Variants in TAB3 observed in about 807,000 individuals in gnomAD.
TAB3 encodes the protein TGF-beta activated kinase 1 (MAP3K7) binding protein 3.
Under a neutral mutation model 48.1 loss-of-function variants are expected in TAB3, and 18 were observed. The ratio of observed to expected loss-of-function variants is 0.37; its 90% CI spans 0.26 to 0.55. The LOEUF is 0.55. Among genes scored for constraint, TAB3 ranks in the 20% least tolerant of loss-of-function variants. The probability of loss-of-function intolerance (pLI) is 0.78; values close to 1 mark genes in which losing one functional copy is unlikely to be tolerated. For missense variants in TAB3, 414 were observed against 549.8 expected (o/e 0.75, Z 2.47); for synonymous variants, 185 against 190.2 (o/e 0.97, Z 0.22).
chrX:30,858,188 G>C (rs1601821926), intron 5 of TAB3, among the ~76,000 whole-genome samples: 1 of 112,031 alleles, frequency 8.9e-6, no homozygotes, highest in Non-Finnish European at 1.9e-5. Context: ...TTAGTTAAAT[G>C]GTAATGAAAA....
chrX:30,832,293 T>C (rs1234831106), intron 10 of TAB3, among the ~76,000 whole-genome samples: 1 of 112,076 alleles, frequency 8.9e-6, no homozygotes, highest in Non-Finnish European at 1.9e-5. Flanking sequence ...GAAAAAGATA[T>C]CCAAACTTAC....
At position 30,854,814 on chromosome X, in the gene TAB3, T is replaced by C. The variant is rs755858238; in HGVS notation, c.851A>G (p.Gln284Arg). Residue 284 changes from glutamine (Q) to arginine (R), a missense_variant, in exon 6 of 11, where the codon CAG becomes CGG. Gln to Arg is a conservative substitution (Grantham distance 43, BLOSUM62 1). Transcript: ENST00000288422. ...NYQPSQYSPK[Q>R]QQIPQSAYHS... is the part of the protein sequence containing the mutation. Reference sequence around the variant, plus strand: ...GTAAGCAGACTGAGGGATCTGCTGCTGTTTGGGAGAATACTGAGAAGGCTG... The same window carrying C: ...GTAAGCAGACTGAGGGATCTGCTGCCGTTTGGGAGAATACTGAGAAGGCTG... 2.5e-6 allele frequency: 3 copies of C among 1,211,412 alleles called. No homozygotes were observed. The South Asian group carries it at 5.3e-5, about 21-fold the overall frequency.
chrX:30,852,126 C>T (rs1309253474), intron 7 of TAB3, among the ~76,000 whole-genome samples: 1 of 112,407 alleles, frequency 8.9e-6, no homozygotes, highest in Admixed American at 9.4e-5. Context: ...TGTGAAGTCA[C>T]AAGATTTTAA....
In TAB3 at chrX:30,831,318, G is replaced by A. The variant is rs772315477; in HGVS notation, c.*109C>T. ...CACAAAGCCATTCCTCCTCCCCGCT[G>A]TGCAATCGAAAATGAAAAGGCTGGG... is the stretch of plus-strand genomic sequence containing the variant. On this transcript the variant is annotated 3_prime_UTR_variant, in exon 11 of 11. Transcript: ENST00000288422. 1.3e-5 allele frequency: 12 copies of A among 920,684 alleles called. No homozygotes were observed. The East Asian group carries it at 2.4e-4, about 19-fold the overall frequency. 75.9% of individuals were successfully genotyped at this position (920,684 alleles called of 1,213,427 possible). A position where few individuals can be genotyped will look rare whatever the true frequency, so the allele number is the denominator to read the frequency against.
At chrX:30,835,285 A>C (rs892353211) in intron 9 of TAB3, 2 of 123,701 alleles carry the variant, frequency 1.6e-5, no homozygotes, top group African/African-American at 6.5e-5. Flanking sequence ...AATCCAAAGC[A>C]TGGTGCTCAG....
At chrX:30,839,469 C>T (rs1055747687) in intron 9 of TAB3, among the ~76,000 whole-genome samples, 153 of 111,144 alleles carry the variant, frequency 1.4e-3, no homozygotes, top group African/African-American at 4.5e-3. Flanking sequence ...ATTTTGTTTT[C>T]TTTTTGTGAG....
intron 6 of TAB3, 136 bp downstream of exon 6, chrX:30,853,980 C>T (rs1441587438): frequency 3.4e-5 from 28 of 813,954 alleles, no homozygotes; most frequent in Admixed American, 1.3e-4. Context: ...CGGCCACTAA[C>T]TTTATTCTTA....
At chrX:30,862,895 GGT>G (rs1404380808) in intron 4 of TAB3, among the ~76,000 whole-genome samples, 1 of 111,860 alleles carries the variant, frequency 8.9e-6, no homozygotes, top group African/African-American at 3.3e-5. Flanking sequence ...GGGAGCTAAA[GGT>G]GTGTGGTGAG....
chrX:30,869,642 G>C (rs1462106206), intron 2 of TAB3, among the ~76,000 whole-genome samples: 1 of 112,046 alleles, frequency 8.9e-6, no homozygotes, highest in African/African-American at 3.2e-5. Context: ...ATTTGCTCTG[G>C]TCAAGGTGTT....
At position 30,837,551 on chromosome X, in the gene TAB3, A is replaced by C. The variant is rs1243297085; in HGVS notation, c.1889-3399T>G. On this transcript the variant is annotated intron_variant, in intron 9 of 10. Coordinates refer to ENST00000288422, the MANE Select transcript of TAB3 (RefSeq NM_152787.5). The stretch of plus-strand genomic sequence containing the variant: ...TTTTTTATTGAGTTGTCTTTTTATT[A>C]CTGTGTTGTAGAAATTCTTTATATA... Among the ~76,000 whole-genome samples the C allele has an allele frequency of 2.7e-4, 30 of 111,155 alleles. No homozygotes were observed. The Admixed American group carries it at 2.8e-3, about 10-fold the overall frequency.
intron 4 of TAB3, 159 bp from the exon 5 acceptor site, chrX:30,859,837 G>C: frequency 2.7e-6 from 1 of 368,130 alleles, no homozygotes; most frequent in Non-Finnish European, 4.6e-6. Context: ...CCTCCACAAT[G>C]CTGCCAAAGC....
chrX:30,848,937 A>ATAAC (rs1938732491), intron 7 of TAB3, among the ~76,000 whole-genome samples: 1 of 109,480 alleles, frequency 9.1e-6, no homozygotes, highest in African/African-American at 3.3e-5. Flanking sequence ...ATGGGGGGGA[A>ATAAC]TAACTTGAGG....
chrX:30,831,661 C>T (rs1280062721), intron 10 of TAB3, 86 bp from the exon 11 acceptor site: 10 of 1,019,254 alleles, frequency 9.8e-6, no homozygotes, highest in Non-Finnish European at 1.3e-5. Context: ...AAGAAAAATA[C>T]CACAAAAATC....
intron 1 of TAB3, among the ~76,000 whole-genome samples, chrX:30,883,881 G>T (rs988665242): frequency 2.7e-5 from 3 of 111,193 alleles, no homozygotes; most frequent in African/African-American, 9.8e-5. Context: ...TCTTACCAAT[G>T]GATCATTTAG....
chrX:30,844,895 C>T (rs1938572103), intron 8 of TAB3: 3 of 112,822 alleles, frequency 2.7e-5, no homozygotes, highest in South Asian at 3.6e-4. Flanking sequence ...GATCACGGCT[C>T]ACTGCAGCCT....
In TAB3 at chrX:30,842,965, C is replaced by T; in HGVS notation, c.1888+1G>A. On this transcript the variant is annotated splice_donor_variant, in intron 9 of 10. Coordinates refer to ENST00000288422, the MANE Select transcript of TAB3 (RefSeq NM_152787.5). LOFTEE classifies it high-confidence loss of function. ...GTATTTGTGACATTTTTCATACTCA[C>T]CTTTTTTAGATGGCTTGGGTGGTAC... 1 of 1,125,248 alleles carries T rather than the reference C, an allele frequency of 8.9e-7. No individual in the cohort carries two copies. The highest frequency in any genetic ancestry group is 3.1e-5 in the East Asian group (1 of 32,047). The allele number at this position is 1,125,248 out of a possible 1,213,427, so 92.7% of individuals were successfully genotyped here.
intron 1 of TAB3, among the ~76,000 whole-genome samples, chrX:30,880,436 T>C (rs1939966638): frequency 8.9e-6 from 1 of 111,853 alleles, no homozygotes; most frequent in African/African-American, 3.3e-5. Context: ...GAAAATTAGC[T>C]ATCCATATAG....
chrX:30,888,347 A>C (rs1940189514), intron 1 of TAB3, among the ~76,000 whole-genome samples: 1 of 112,714 alleles, frequency 8.9e-6, no homozygotes, highest in Non-Finnish European at 1.9e-5. Context: ...AAAGGTGGCA[A>C]GTTTTCTTAA....
intron 9 of TAB3, 80 bp downstream of exon 9, chrX:30,842,886 A>G: frequency 1.6e-6 from 1 of 609,813 alleles, no homozygotes; most frequent in Non-Finnish European, 2.5e-6. Context: ...CCTCTAGTGG[A>G]AATTTCTTCA....
Sources: gnomAD v4.1 joint callset for allele counts (sites outside exome capture counted in the v4.1 genomes callset) on GRCh38, gnomAD v4.1.1 for gene constraint, MANE v1.5 for transcripts, NCBI Gene and HGNC (gene_info 2026-07-23, HGNC 2026-07-21) for gene names.